The following PPARA variants were observed in gnomAD, a reference collection of about 807,000 sequenced individuals.
PPARA encodes peroxisome proliferator-activated receptor alpha.
Under a neutral mutation model 42.2 loss-of-function variants are expected in PPARA, and 22 were observed. The ratio of observed to expected loss-of-function variants is 0.52; its 90% CI spans 0.37 to 0.74. The LOEUF (loss-of-function observed/expected upper bound fraction) is 0.74, where lower values mean the gene tolerates loss of function less well. Among genes scored for constraint, PPARA ranks in the 30% least tolerant of loss-of-function variants. The pLI is 0.00. For synonymous variants in PPARA, 242 were observed against 239.3 expected (o/e 1.01, Z -0.10); for missense variants, 465 against 608.2 (o/e 0.76, Z 2.48).
At chr22:46,220,172 A>C in intron 7 of PPARA, 158 bp downstream of exon 7, 3 of 888,414 alleles carry the variant, frequency 3.4e-6, no homozygotes, top group South Asian at 2.9e-5. Context: ...TGAGACTCTG[A>C]GCTGTAGCTT....
Position 46,235,463 on chromosome 22 carries a change from G to A in PPARA, c.*83G>A. ...GGAGACGGGGGAGCAGCACGATTTT[G>A]CACAAATATCCACCACTTTAACCTT... On this transcript the variant is annotated 3_prime_UTR_variant, in exon 9 of 9. Transcript: ENST00000407236. The surrounding 1 kb of genome is among the most constrained non-coding windows in gnomAD (Gnocchi z 7.0). 1 of 1,548,294 alleles carries A rather than the reference G, an allele frequency of 6.5e-7. No homozygotes were observed. Among genetic ancestry groups the A allele is most frequent in the Non-Finnish European group, 8.8e-7 (1 of 1,141,044 alleles).
chr22:46,233,760 T>C lies in PPARA; in HGVS notation c.1160-1373T>C, dbSNP rs1164651786. Among the ~76,000 whole-genome samples the C allele has an allele frequency of 1.3e-5, 2 of 152,172 alleles. No individual in the cohort carries two copies. Among genetic ancestry groups the C allele is most frequent in the Non-Finnish European group, 2.9e-5 (2 of 68,042 alleles). On this transcript the variant is annotated intron_variant, in intron 8 of 8. Coordinates refer to ENST00000407236, the MANE Select transcript of PPARA (RefSeq NM_005036.6). The surrounding 1 kb of genome is among the most constrained non-coding windows in gnomAD (Gnocchi z 7.3). ...ATATAGAAAAATGTCCAGTGAGATATATGTTAAACCTATTATGGTGGGATT... is the reference window on the plus strand; with the variant it reads ...ATATAGAAAAATGTCCAGTGAGATACATGTTAAACCTATTATGGTGGGATT...
In PPARA at chr22:46,215,318, G is replaced by C. The variant is rs199807795; in HGVS notation, c.354G>C (p.Ala118=). ...KASGYHYGVH[A]CEGCKGFFRR... is the part of the protein sequence containing the mutation. The stretch of plus-strand genomic sequence containing the variant: ...CAGGCTATCATTACGGAGTCCACGC[G>C]TGTGAAGGCTGCAAGGTAGAGGGGA... The change falls in exon 5 of 9, where the codon GCG becomes GCC. Residue 118 remains alanine (A), a synonymous_variant. Coordinates refer to ENST00000407236, the MANE Select transcript of PPARA (RefSeq NM_005036.6). 1 of 1,614,134 alleles carries C rather than the reference G, an allele frequency of 6.2e-7. No homozygotes were observed. The highest frequency in any genetic ancestry group is 2.2e-5 in the East Asian group (1 of 44,874).
At chr22:46,194,748 AT>A (rs1932003943) in intron 3 of PPARA, among the ~76,000 whole-genome samples, 1 of 150,286 alleles carries the variant, frequency 6.7e-6, no homozygotes, top group Non-Finnish European at 1.5e-5. Context: ...ATTTGTTTGT[AT>A]TTTTAGTAGA....
In PPARA at chr22:46,190,749, CA is replaced by C. The variant is rs1200945918; in HGVS notation, c.-42-7588del. 6.6e-6 allele frequency among the ~76,000 whole-genome samples: 1 copy of C among 151,428 alleles called. No homozygotes were observed. Among genetic ancestry groups the C allele is most frequent in the Non-Finnish European group, 1.5e-5 (1 of 67,810 alleles). On this transcript the variant is annotated intron_variant, in intron 3 of 8. Transcript: ENST00000407236. The surrounding 1 kb of genome is among the most constrained non-coding windows in gnomAD (Gnocchi z 5.6). ...TGAGTGACAGAGAGAGACTCTGTCT[CA>C]AAAATAAAAAAGTTTTGAGTGTGAA...
Position 46,192,562 on chromosome 22 carries a change from A to T in PPARA, c.-42-5780A>T, listed in dbSNP as rs1397765705. On this transcript the variant is annotated intron_variant, in intron 3 of 8. Transcript: ENST00000407236. This position sits in a 1 kb window ranked among gnomAD's most constrained non-coding sequence, Gnocchi z 4.3. ...TTCTCAAAGGAATATTTTGATTGAT[A>T]AATGTTTAGTTAGTAAGACCTAAAA... 6.6e-6 allele frequency among the ~76,000 whole-genome samples: 1 copy of T among 152,248 alleles called. No individual in the cohort carries two copies. Among genetic ancestry groups the T allele is most frequent in the Non-Finnish European group, 1.5e-5 (1 of 68,046 alleles).
intron 5 of PPARA, among the ~76,000 whole-genome samples, chr22:46,217,635 C>T (rs1934604994): frequency 6.6e-6 from 1 of 152,004 alleles, no homozygotes; most frequent in Non-Finnish European, 1.5e-5. Context: ...CATTCATATA[C>T]ATTGTAACAA....
rs1452824192 is a variant in PPARA, at chr22:46,224,690, C to T, written c.711+4676C>T. Among the ~76,000 whole-genome samples the T allele has an allele frequency of 2.6e-5, 4 of 152,276 alleles. No homozygotes were observed. The highest frequency in any genetic ancestry group is 6.5e-5 in the Admixed American group (1 of 15,296). On this transcript the variant is annotated intron_variant, in intron 7 of 8. Transcript: ENST00000407236. The surrounding 1 kb of genome is among the most constrained non-coding windows in gnomAD (Gnocchi z 5.7). Reference sequence around the variant, plus strand: ...AGGCCAGTAAACTAATGGATTCATACGAACCGTAATGAACGTGGGCTGTGT... The same window carrying T: ...AGGCCAGTAAACTAATGGATTCATATGAACCGTAATGAACGTGGGCTGTGT...
At position 46,173,557 on chromosome 22, in the gene PPARA, G is replaced by A. The variant is rs1928416839; in HGVS notation, c.-126-3196G>A. 6.6e-6 allele frequency among the ~76,000 whole-genome samples: 1 copy of A among 152,160 alleles called. No individual in the cohort carries two copies. The highest frequency in any genetic ancestry group is 2.1e-4 in the South Asian group (1 of 4,830). ...AGGGGAAGAAGAAAGCTTGGAAATG[G>A]TATTCCTTAAAAATGTCAGTATCAT... On this transcript the variant is annotated intron_variant, in intron 2 of 8. Coordinates refer to ENST00000407236, the MANE Select transcript of PPARA (RefSeq NM_005036.6). The surrounding 1 kb of genome is among the most constrained non-coding windows in gnomAD (Gnocchi z 4.3).
At position 46,190,496 on chromosome 22, in the gene PPARA, A is replaced by C. The variant is rs1213304406; in HGVS notation, c.-42-7846A>C. ...CAGGCTGGGTATGATGGCTCACACC[A>C]GTAATCCCAACACTTAGAGGCCAAG... On this transcript the variant is annotated intron_variant, in intron 3 of 8. Transcript: ENST00000407236. This position sits in a 1 kb window ranked among gnomAD's most constrained non-coding sequence, Gnocchi z 5.6. Among the ~76,000 whole-genome samples the C allele has an allele frequency of 1.3e-5, 2 of 152,214 alleles. No individual in the cohort carries two copies. Among genetic ancestry groups the C allele is most frequent in the African/African-American group, 4.8e-5 (2 of 41,460 alleles).
At chr22:46,206,403 C>A (rs1358676019) in intron 4 of PPARA, among the ~76,000 whole-genome samples, 1 of 152,202 alleles carries the variant, frequency 6.6e-6, no homozygotes, top group Non-Finnish European at 1.5e-5. Context: ...GCGTGAGCCA[C>A]CGCACCCAGC....
rs1296858750 is a variant in PPARA, at chr22:46,182,272, C to T, written c.-43+5436C>T. Among the ~76,000 whole-genome samples the T allele has an allele frequency of 6.6e-6, 1 of 152,280 alleles. No homozygotes were observed. Among genetic ancestry groups the T allele is most frequent in the South Asian group, 2.1e-4 (1 of 4,830 alleles). On this transcript the variant is annotated intron_variant, in intron 3 of 8. Transcript: ENST00000407236. This position sits in a 1 kb window ranked among gnomAD's most constrained non-coding sequence, Gnocchi z 5.2. ...GTCTAGTCCTGAATGTCTATAGCTG[C>T]TTTATTTATAATAGCTCAGACTTGG...
At chr22:46,210,309 C>CA (rs1189985964) in intron 4 of PPARA, among the ~76,000 whole-genome samples, 4,394 of 85,682 alleles carry the variant, frequency 0.051, 206 homozygotes, top group African/African-American at 0.12. Flanking sequence ...AACTCCATCT[C>CA]AAAAAAAAAA....
chr22:46,231,804 C>A lies in PPARA; in HGVS notation c.724C>A (p.His242Asn), dbSNP rs527942701. 6.2e-7 allele frequency: 1 copy of A among 1,613,342 alleles called. No homozygotes were observed. The highest frequency in any genetic ancestry group is 8.5e-7 in the Non-Finnish European group (1 of 1,180,006). The change falls in exon 8 of 9, where the codon CAT (histidine) becomes AAT (asparagine). Residue 242 changes from histidine to asparagine, a missense_variant. This residue lies in a region of PPARA where 313 missense variants were observed against 469.1 expected (regional missense o/e 0.67). Transcript: ENST00000407236. This position sits in a 1 kb window ranked among gnomAD's most constrained non-coding sequence, Gnocchi z 7.7. ...KASNNPPFVI[H>N]DMETLCMAEK... ...TCCTCCTTTGTAGCCTTTTGTCATA[C>A]ATGATATGGAGACACTGTGTATGGC...
At position 46,226,008 on chromosome 22, in the gene PPARA, C is replaced by A. The variant is rs193292915; in HGVS notation, c.712-5784C>A. Among the ~76,000 whole-genome samples, 387 of 151,830 alleles carry A rather than the reference C, an allele frequency of 2.5e-3. 2 individuals are homozygous for A. Among genetic ancestry groups the A allele is most frequent in the Admixed American group, 6.2e-3 (94 of 15,278 alleles). On this transcript the variant is annotated intron_variant, in intron 7 of 8. Transcript: ENST00000407236. The stretch of plus-strand genomic sequence containing the variant: ...ACACATGCATACACACACATACAAA[C>A]ACATGCATTCACACAGATGCATACA...
In PPARA at chr22:46,212,415, A is replaced by G. The variant is rs570850430; in HGVS notation, c.209-2758A>G. On this transcript the variant is annotated intron_variant, in intron 4 of 8. Transcript: ENST00000407236. The surrounding 1 kb of genome is among the most constrained non-coding windows in gnomAD (Gnocchi z 4.2). ...CATCAAAAAACCCCATGCTTCACCT[A>G]TTCAACCCTGCCTCTCCCACCCCCA... is the stretch of plus-strand genomic sequence containing the variant. Among the ~76,000 whole-genome samples the G allele has an allele frequency of 6.6e-5, 10 of 152,202 alleles. No individual in the cohort carries two copies. Among genetic ancestry groups the G allele is most frequent in the African/African-American group, 2.4e-4 (10 of 41,532 alleles).
At chr22:46,215,788 A>T (rs1230604509) in intron 5 of PPARA, among the ~76,000 whole-genome samples, 2 of 152,052 alleles carry the variant, frequency 1.3e-5, no homozygotes, top group Admixed American at 1.3e-4. Flanking sequence ...AACTGACCTC[A>T]GTGATAGATT....
rs1021171224 is a variant in PPARA, at chr22:46,238,505, C to T, written c.*3125C>T. ...CCCTCTGGCAGCGAATGTAGGAAGT[C>T]GCCAAATTTACCCACTCTTCAACAA... On this transcript the variant is annotated 3_prime_UTR_variant, in exon 9 of 9. Transcript: ENST00000407236. This position sits in a 1 kb window ranked among gnomAD's most constrained non-coding sequence, Gnocchi z 8.3. 2.0e-5 allele frequency: 3 copies of T among 152,232 alleles called. No homozygotes were observed. The highest frequency in any genetic ancestry group is 4.8e-5 in the African/African-American group (2 of 41,446). 9.4% of individuals were successfully genotyped at this position (152,232 alleles called of 1,614,324 possible). A position where few individuals can be genotyped will look rare whatever the true frequency, so the allele number is the denominator to read the frequency against.
intron 2 of PPARA, among the ~76,000 whole-genome samples, 162 bp downstream of exon 2, chr22:46,152,132 ATTTTTTTTTT>A (rs780789203): frequency 9.6e-6 from 1 of 104,682 alleles, no homozygotes; most frequent in Non-Finnish European, 1.9e-5. Context: ...GCATGGATTC[ATTTTTTTTTT>A]TTTTTTTTTT....
Sources: gnomAD v4.1 joint callset for allele counts (sites outside exome capture counted in the v4.1 genomes callset) on GRCh38, gnomAD v4.1.1 for gene constraint, gnomAD v4.1.1 regional missense constraint, Gnocchi (gnomAD v3.1) non-coding constraint, MANE v1.5 for transcripts, NCBI Gene and HGNC (gene_info 2026-07-23, HGNC 2026-07-21) for gene names.